Variants in VPS53 observed in about 807,000 individuals in gnomAD.
VPS53 encodes VPS53 subunit of GARP complex.
VPS53 carries 70 observed loss-of-function variants against 107.0 expected under a neutral mutation model. The observed-to-expected ratio is 0.65, with a 90% CI of 0.54 to 0.80. The LOEUF (loss-of-function observed/expected upper bound fraction) is 0.80, where lower values mean the gene tolerates loss of function less well. VPS53 is among the 30% of genes least tolerant of loss of function. VPS53 has a pLI of 0.00. For missense variants in VPS53, 917 were observed against 1,049.4 expected (o/e 0.87, Z 1.74); for synonymous variants, 409 against 393.3 (o/e 1.04, Z -0.47).
intron 2 of VPS53, among the ~76,000 whole-genome samples, chr17:705,106 T>C (rs927555357): frequency 2.0e-5 from 3 of 152,164 alleles, no homozygotes; most frequent in African/African-American, 7.2e-5. Context: ...TGCACTCAAA[T>C]ACCCAACAAC....
intron 11 of VPS53, among the ~76,000 whole-genome samples, chr17:621,970 G>A (rs1425903692): frequency 2.0e-5 from 3 of 152,126 alleles, no homozygotes; most frequent in Non-Finnish European, 4.4e-5. Flanking sequence ...CCAGCACTTT[G>A]GGAGGCCGAG....
At chr17:622,727 TTC>T (rs72096577) in intron 11 of VPS53, among the ~76,000 whole-genome samples, 34,808 of 151,138 alleles carry the variant, frequency 0.23, 4,121 homozygotes, top group Admixed American at 0.32. Flanking sequence ...TCTCTTTCTT[TTC>T]TTTTTTTTTA....
intron 7 of VPS53, among the ~76,000 whole-genome samples, chr17:636,481 C>A (rs1457612598): frequency 3.3e-5 from 5 of 152,204 alleles, no homozygotes; most frequent in African/African-American, 1.2e-4. Flanking sequence ...AAGAGGGCAT[C>A]CCTGTCTTGT....
chr17:714,677 C>T lies in VPS53; in HGVS notation c.33G>A (p.Glu11=). MMEEEELEFV[E]ELEAVLQLTP... is the part of the protein sequence containing the mutation. The stretch of plus-strand genomic sequence containing the variant: ...TGAGCTGCAGCACGGCTTCCAGCTC[C>T]TCCACGAACTCCAGTTCCTCCTCCT... The change falls in exon 1 of 22, where the codon GAG becomes GAA. Residue 11 remains glutamate, a synonymous_variant. Transcript: ENST00000437048. The T allele has an allele frequency of 6.2e-7, 1 of 1,613,588 alleles. No individual in the cohort carries two copies. The highest frequency in any genetic ancestry group is 8.5e-7 in the Non-Finnish European group (1 of 1,179,784).
chr17:564,547 A>AC lies in VPS53; in HGVS notation c.1314-1803_1314-1802insG, dbSNP rs1288215731. ...AAAGTGAGACTCTGTCTCAGAAAAA[A>AC]AAAAAAAAAAAAAATTAGCTGGGGG... is the stretch of plus-strand genomic sequence containing the variant. On this transcript the variant is annotated intron_variant, in intron 13 of 21. Transcript: ENST00000437048. 3.3e-5 allele frequency among the ~76,000 whole-genome samples: 5 copies of AC among 150,644 alleles called. No individual in the cohort carries two copies. In the South Asian group the frequency reaches 6.3e-4, roughly 19 times the overall value.
At chr17:636,991 G>A (rs1010218412) in intron 7 of VPS53, among the ~76,000 whole-genome samples, 11 of 152,186 alleles carry the variant, frequency 7.2e-5, no homozygotes, top group African/African-American at 2.4e-4. Flanking sequence ...CAGAAGGAAT[G>A]GTACCAGCTC....
chr17:625,003 T>TA (rs991913932), intron 10 of VPS53, among the ~76,000 whole-genome samples: 2 of 149,868 alleles, frequency 1.3e-5, no homozygotes, highest in African/African-American at 4.9e-5. Context: ...TTCTTTTTTT[T>TA]TTTTTGAGAC....
At chr17:527,355 C>A (rs1161445047) in intron 19 of VPS53, among the ~76,000 whole-genome samples, 48 of 152,186 alleles carry the variant, frequency 3.2e-4, no homozygotes, top group Non-Finnish European at 2.9e-5. Context: ...CTCTCCTGCT[C>A]TCTCTCACTG....
chr17:672,725 G>A (rs942584309), intron 4 of VPS53, among the ~76,000 whole-genome samples: 2 of 152,184 alleles, frequency 1.3e-5, no homozygotes, highest in African/African-American at 4.8e-5. Context: ...GATACTGAGA[G>A]AAAAAGATCA....
At chr17:552,950 G>T (rs1169693888) in intron 16 of VPS53, 8 of 269,328 alleles carry the variant, frequency 3.0e-5, no homozygotes, top group Non-Finnish European at 4.8e-5. Flanking sequence ...GTGTAGTGGA[G>T]AAAGGGCAGG....
chr17:536,876 G>C, intron 18 of VPS53, 152 bp downstream of exon 18: 3 of 931,316 alleles, frequency 3.2e-6, no homozygotes, highest in Non-Finnish European at 4.7e-6. Context: ...GGAGGTGTCG[G>C]TAATGGGAAG....
intron 13 of VPS53, among the ~76,000 whole-genome samples, chr17:568,998 C>T (rs1029900242): frequency 2.0e-5 from 3 of 152,142 alleles, no homozygotes; most frequent in Admixed American, 1.3e-4. Context: ...GCAATGACAC[C>T]GAGCAGCAAT....
At chr17:685,698 T>C (rs1290592572) in intron 4 of VPS53, among the ~76,000 whole-genome samples, 1 of 152,118 alleles carries the variant, frequency 6.6e-6, no homozygotes, top group Non-Finnish European at 1.5e-5. Flanking sequence ...GAAGCATGTG[T>C]ATGATTGAGA....
intron 11 of VPS53, among the ~76,000 whole-genome samples, chr17:615,512 A>G (rs1195803453): frequency 6.6e-6 from 1 of 151,996 alleles, no homozygotes; most frequent in Non-Finnish European, 1.5e-5. Context: ...CAGTGGGGGT[A>G]GGGTGGGGAT....
rs184699767 is a variant in VPS53, at chr17:598,564, C to A, written c.1218+3231G>T. On this transcript the variant is annotated intron_variant, in intron 12 of 21. Transcript: ENST00000437048. The stretch of plus-strand genomic sequence containing the variant: ...CACATCTAGGAAGTGAGGAGCGTCT[C>A]TGCCCGGCTGCCCATTGTCTGAGAT... Among the ~76,000 whole-genome samples the A allele has an allele frequency of 1.9e-3, 287 of 151,368 alleles. 6 individuals carry two copies. In the East Asian group the frequency reaches 0.051, roughly 27 times the overall value.
chr17:563,410 G>A (rs892523182), intron 13 of VPS53, among the ~76,000 whole-genome samples: 4 of 149,674 alleles, frequency 2.7e-5, no homozygotes, highest in South Asian at 2.1e-4. Flanking sequence ...ATTCTCCTGC[G>A]TCAGCCTCCC....
At chr17:699,935 A>G (rs1973131582) in intron 2 of VPS53, among the ~76,000 whole-genome samples, 1 of 152,220 alleles carries the variant, frequency 6.6e-6, no homozygotes, top group African/African-American at 2.4e-5. Context: ...CTCTGGGGGA[A>G]GGTAGTGACA....
Position 519,018 on chromosome 17 carries a change from G to A in VPS53, c.*110C>T. The A allele has an allele frequency of 8.1e-7, 1 of 1,236,938 alleles. No homozygotes were observed. The allele number at this position is 1,236,938 out of a possible 1,614,324, so 76.6% of individuals were successfully genotyped here. A position where few individuals can be genotyped will look rare whatever the true frequency, so the allele number is the denominator to read the frequency against. ...AGTAACAACCCACATGTCCCAGGAA[G>A]TTTGAAGACCGACGATGTGAGAGTG... On this transcript the variant is annotated 3_prime_UTR_variant, in exon 22 of 22. Coordinates refer to ENST00000437048, the MANE Select transcript of VPS53 (RefSeq NM_001128159.3). The surrounding 1 kb of genome is among the most constrained non-coding windows in gnomAD (Gnocchi z 5.0).
At chr17:653,448 A>G in intron 6 of VPS53, 38 bp from the exon 7 acceptor site, 1 of 1,613,506 alleles carries the variant, frequency 6.2e-7, no homozygotes. Flanking sequence ...CTAGAAAAAC[A>G]CTAAAGACGC....
Sources: allele counts gnomAD v4.1 joint callset (sites outside exome capture counted in the v4.1 genomes callset), GRCh38; gene constraint gnomAD v4.1.1; non-coding constraint Gnocchi (gnomAD v3.1); transcripts MANE v1.5; gene names NCBI Gene and HGNC (gene_info 2026-07-23, HGNC 2026-07-21).